The following CHST11 variants were observed in gnomAD, a reference collection of about 807,000 sequenced individuals.
CHST11 encodes the protein carbohydrate sulfotransferase 11.
CHST11 carries 9 observed loss-of-function variants against 30.4 expected under a neutral mutation model. The observed-to-expected ratio is 0.30, with a 90% confidence interval of 0.18 to 0.52. The LOEUF (loss-of-function observed/expected upper bound fraction) is 0.52. CHST11 is among the 20% of genes least tolerant of loss of function. The pLI is 0.97. For synonymous variants in CHST11, 152 were observed against 187.8 expected, an observed-to-expected ratio of 0.81 and a Z score of 1.56; for missense variants, 348 against 460.6, an observed-to-expected ratio of 0.76 and a Z score of 2.24.
chr12:104,645,937 T>C (rs1460985152), intron 2 of CHST11, among the ~76,000 whole-genome samples: 1 of 152,222 alleles, frequency 6.6e-6, no homozygotes, highest in African/African-American at 2.4e-5. Flanking sequence ...CTCGTCATCA[T>C]GGTGGCTTCA....
chr12:104,673,884 C>T (rs2039717486), intron 2 of CHST11, among the ~76,000 whole-genome samples: 2 of 152,208 alleles, frequency 1.3e-5, no homozygotes, highest in South Asian at 4.1e-4. Context: ...TCCACGTTGG[C>T]TGAGCAGTGA....
intron 1 of CHST11, among the ~76,000 whole-genome samples, chr12:104,563,421 A>G (rs1021266431): frequency 4.6e-5 from 7 of 152,178 alleles, no homozygotes; most frequent in Non-Finnish European, 7.4e-5. Flanking sequence ...GATCACTTCC[A>G]TAGTAGCCTT....
intron 1 of CHST11, among the ~76,000 whole-genome samples, chr12:104,538,630 C>A (rs2038260518): frequency 6.6e-6 from 1 of 152,188 alleles, no homozygotes. Flanking sequence ...CACTTCATTT[C>A]TTTCCTCCAC....
intron 1 of CHST11, among the ~76,000 whole-genome samples, chr12:104,557,368 C>T (rs1292043043): frequency 6.6e-6 from 1 of 152,082 alleles, no homozygotes; most frequent in Admixed American, 6.6e-5. Context: ...GCTTATAGGC[C>T]TTGGTAAAGG....
chr12:104,617,129 G>A (rs996339225), intron 2 of CHST11, among the ~76,000 whole-genome samples: 26 of 152,294 alleles, frequency 1.7e-4, no homozygotes, highest in African/African-American at 5.8e-4. Context: ...CCAGGGAGAA[G>A]AGAAATGTGG....
chr12:104,518,526 A>T (rs938940000), intron 1 of CHST11, among the ~76,000 whole-genome samples: 2 of 152,154 alleles, frequency 1.3e-5, no homozygotes, highest in African/African-American at 4.8e-5. Context: ...TCTGGGAAGC[A>T]CTTTGAAGGA....
chr12:104,596,901 C>G (rs1271705041), intron 1 of CHST11, among the ~76,000 whole-genome samples: 1 of 152,170 alleles, frequency 6.6e-6, no homozygotes, highest in African/African-American at 2.4e-5. Context: ...TTGGCCTATA[C>G]TCGAATCCCT....
chr12:104,659,315 T>A (rs1025649802), intron 2 of CHST11, among the ~76,000 whole-genome samples: 1 of 152,166 alleles, frequency 6.6e-6, no homozygotes, highest in African/African-American at 2.4e-5. Flanking sequence ...TAGGGAGGAT[T>A]CCTTGAGGGG....
chr12:104,639,554 G>A (rs557216860), intron 2 of CHST11, among the ~76,000 whole-genome samples: 5 of 152,302 alleles, frequency 3.3e-5, no homozygotes, highest in Admixed American at 1.3e-4. Flanking sequence ...CCCAAAGATG[G>A]GATTTTAGGG....
intron 1 of CHST11, among the ~76,000 whole-genome samples, chr12:104,462,359 A>T (rs1239538400): frequency 6.6e-6 from 1 of 151,710 alleles, no homozygotes; most frequent in Non-Finnish European, 1.5e-5. Flanking sequence ...TTGAGATAAC[A>T]TCATGCATTT....
intron 2 of CHST11, among the ~76,000 whole-genome samples, chr12:104,650,097 A>C (rs1291720783): frequency 6.6e-6 from 1 of 152,226 alleles, no homozygotes; most frequent in African/African-American, 2.4e-5. Flanking sequence ...CAACAGAATG[A>C]CATTACTTTA....
At chr12:104,531,398 C>T (rs1052002393) in intron 1 of CHST11, among the ~76,000 whole-genome samples, 2 of 148,978 alleles carry the variant, frequency 1.3e-5, no homozygotes, top group Admixed American at 6.7e-5. Flanking sequence ...GCAAGAGGAT[C>T]GCTTGAGCCC....
At chr12:104,625,051 A>G (rs1455919071) in intron 2 of CHST11, among the ~76,000 whole-genome samples, 2 of 152,218 alleles carry the variant, frequency 1.3e-5, no homozygotes, top group African/African-American at 2.4e-5. Flanking sequence ...GAGCTTCAAC[A>G]TACAAATTTT....
intron 2 of CHST11, among the ~76,000 whole-genome samples, chr12:104,665,496 C>T (rs1311094636): frequency 6.6e-6 from 1 of 152,114 alleles, no homozygotes; most frequent in Non-Finnish European, 1.5e-5. Context: ...GTGTGAATCA[C>T]AGCTGAATCT....
At chr12:104,703,074 T>G (rs2040003123) in intron 2 of CHST11, among the ~76,000 whole-genome samples, 8 of 152,314 alleles carry the variant, frequency 5.3e-5, no homozygotes, top group Admixed American at 5.2e-4. Flanking sequence ...ACTTTCCCTG[T>G]CATCTTGCCT....
intron 1 of CHST11, among the ~76,000 whole-genome samples, chr12:104,463,344 G>T (rs2037427295): frequency 6.6e-6 from 1 of 152,034 alleles, no homozygotes; most frequent in Non-Finnish European, 1.5e-5. Flanking sequence ...AAATAAAAGG[G>T]GAGGCAGTTC....
intron 2 of CHST11, among the ~76,000 whole-genome samples, chr12:104,677,229 C>T (rs1592833561): frequency 6.6e-6 from 1 of 152,270 alleles, no homozygotes; most frequent in Non-Finnish European, 1.5e-5. Flanking sequence ...ACAAACAGAG[C>T]CCAGTGTCTT....
chr12:104,710,176 G>T (rs2040074273), intron 2 of CHST11, among the ~76,000 whole-genome samples: 1 of 151,736 alleles, frequency 6.6e-6, no homozygotes, highest in Non-Finnish European at 1.5e-5. Flanking sequence ...CTCCAGCCTG[G>T]TCCACAAAGC....
chr12:104,645,155 G>A (rs1257507841), intron 2 of CHST11, among the ~76,000 whole-genome samples: 1 of 152,024 alleles, frequency 6.6e-6, no homozygotes, highest in Non-Finnish European at 1.5e-5. Context: ...CACCATGTTA[G>A]CCAGGATGGT....
Sources: gnomAD v4.1 joint callset for allele counts (sites outside exome capture counted in the v4.1 genomes callset) on GRCh38, gnomAD v4.1.1 for gene constraint, MANE v1.5 for transcripts, NCBI Gene and HGNC (gene_info 2026-07-23, HGNC 2026-07-21) for gene names.